ZNF518A: variants seen among roughly 807,000 people sequenced by gnomAD.
ZNF518A encodes the protein zinc finger protein 518A.
In ZNF518A, 47 loss-of-function variants were observed where a neutral mutation model predicts 102.7. That is an observed-to-expected ratio of 0.46 (90% CI 0.36 to 0.58). The LOEUF (loss-of-function observed/expected upper bound fraction) is 0.58, where lower values mean the gene tolerates loss of function less well. ZNF518A is among the 20% of genes least tolerant of loss of function. ZNF518A has a pLI of 0.00. For missense variants in ZNF518A, 1,793 were observed against 1,699.8 expected (o/e 1.05, Z -0.96); for synonymous variants, 652 against 594.6 (o/e 1.10, Z -1.40).
At chr10:96,164,322 C>G (rs976316827), downstream of ZNF518A, among the ~76,000 whole-genome samples, 2 of 152,218 alleles carry the variant, frequency 1.3e-5, no homozygotes, top group Non-Finnish European at 2.9e-5. Flanking sequence ...GGCGTTGGCT[C>G]TGTTCTTTGC....
chr10:96,134,659 G>A (rs587603120), intron 3 of ZNF518A, among the ~76,000 whole-genome samples: 19 of 152,348 alleles, frequency 1.2e-4, no homozygotes, highest in Non-Finnish European at 2.4e-4. Flanking sequence ...ACTGCTGTGT[G>A]ATGACTGACC....
At chr10:96,138,157 T>C (rs1397473745) in intron 3 of ZNF518A, among the ~76,000 whole-genome samples, 1 of 152,210 alleles carries the variant, frequency 6.6e-6, no homozygotes, top group Non-Finnish European at 1.5e-5. Context: ...GTGTAGTCTT[T>C]GTCTTTACTC....
downstream of ZNF518A, among the ~76,000 whole-genome samples, chr10:96,167,358 G>A (rs1387114947): frequency 2.0e-5 from 3 of 152,184 alleles, no homozygotes; most frequent in African/African-American, 7.2e-5. Flanking sequence ...GGAGGCTGAG[G>A]CAGGAGAATC....
intron 2 of ZNF518A, among the ~76,000 whole-genome samples, 197 bp from the exon 3 acceptor site, chr10:96,133,386 A>C (rs1158594505): frequency 2.0e-5 from 3 of 152,162 alleles, no homozygotes; most frequent in African/African-American, 7.2e-5. Flanking sequence ...GAATCACTAT[A>C]GTGTTATGAT....
chr10:96,157,688 A>T lies in ZNF518A; in HGVS notation c.1366A>T (p.Ile456Phe). ...GFKMMDGKQH[I>F]VLKLVPIKQN... Reference sequence around the variant, plus strand: ...CAAGATGATGGATGGAAAACAGCATATTGTATTAAAATTGGTGCCTATCAA... The same window carrying T: ...CAAGATGATGGATGGAAAACAGCATTTTGTATTAAAATTGGTGCCTATCAA... Residue 456 changes from isoleucine to phenylalanine, a missense_variant, in exon 6 of 6, where the codon ATT becomes TTT. Transcript: ENST00000316045. The T allele has an allele frequency of 6.2e-7, 1 of 1,613,892 alleles. No individual in the cohort carries two copies. Among genetic ancestry groups the T allele is most frequent in the Non-Finnish European group, 8.5e-7 (1 of 1,179,796 alleles).
At chr10:96,165,469 CCAAA>C (rs2083126909), downstream of ZNF518A, among the ~76,000 whole-genome samples, 1 of 42,910 alleles carries the variant, frequency 2.3e-5, no homozygotes, top group Non-Finnish European at 5.1e-5. Context: ...ACAACAACAA[CCAAA>C]AAAAAAAAAA....
At chr10:96,167,266 G>T (rs782406789), downstream of ZNF518A, among the ~76,000 whole-genome samples, 10 of 152,056 alleles carry the variant, frequency 6.6e-5, no homozygotes, top group Non-Finnish European at 1.3e-4. Context: ...TTTGAGACCA[G>T]CCTGGCCAAA....
intron 3 of ZNF518A, among the ~76,000 whole-genome samples, chr10:96,142,026 GCCACCATGC>G (rs1339785710): frequency 7.9e-5 from 12 of 152,134 alleles, no homozygotes; most frequent in African/African-American, 2.9e-4. Context: ...ATAGGCCTGA[GCCACCATGC>G]CCAGCCTACA....
chr10:96,175,254 G>A (rs1427635193), intron 1 of ZNF518A, among the ~76,000 whole-genome samples: 2 of 152,122 alleles, frequency 1.3e-5, no homozygotes, highest in Non-Finnish European at 2.9e-5. Flanking sequence ...AGTAAATCAA[G>A]CCTGGGGACA....
chr10:96,143,780 A>T (rs1252654069), intron 3 of ZNF518A, among the ~76,000 whole-genome samples: 1 of 152,090 alleles, frequency 6.6e-6, no homozygotes, highest in Non-Finnish European at 1.5e-5. Flanking sequence ...TTTTTCTCCT[A>T]TTGATTTGGT....
At chr10:96,167,598 T>G (rs1453778072), downstream of ZNF518A, among the ~76,000 whole-genome samples, 1 of 152,044 alleles carries the variant, frequency 6.6e-6, no homozygotes, top group African/African-American at 2.4e-5. Context: ...AAAAGTACAA[T>G]AACTACAATT....
chr10:96,166,554 G>A (rs1554890397), downstream of ZNF518A, among the ~76,000 whole-genome samples: 3 of 152,100 alleles, frequency 2.0e-5, no homozygotes, highest in Non-Finnish European at 2.9e-5. Context: ...GGATCACAAG[G>A]TCAGGAGATC....
At chr10:96,147,076 G>GTC (rs2133476779) in intron 3 of ZNF518A, among the ~76,000 whole-genome samples, 1 of 152,324 alleles carries the variant, frequency 6.6e-6, no homozygotes, top group South Asian at 2.1e-4. Flanking sequence ...GATAGTGGAT[G>GTC]TCTGAGAGAG....
chr10:96,172,941 C>T (rs2083182020), intron 1 of ZNF518A, among the ~76,000 whole-genome samples: 1 of 152,122 alleles, frequency 6.6e-6, no homozygotes, highest in African/African-American at 2.4e-5. Context: ...TCTACATCTG[C>T]AGATTCAATC....
chr10:96,192,582 T>C (rs1297981878), intron 1 of ZNF518A, among the ~76,000 whole-genome samples: 1 of 152,186 alleles, frequency 6.6e-6, no homozygotes, highest in East Asian at 1.9e-4. Flanking sequence ...GAAAGCTTTA[T>C]AAACCTTCAT....
chr10:96,150,365 T>G, intron 3 of ZNF518A, among the ~76,000 whole-genome samples: 1 of 151,272 alleles, frequency 6.6e-6, no homozygotes, highest in East Asian at 1.9e-4. Flanking sequence ...GATGTCTGAT[T>G]AAAGGTGGTG....
At chr10:96,150,335 GA>G (rs72116620) in intron 3 of ZNF518A, among the ~76,000 whole-genome samples, 69,397 of 136,328 alleles carry the variant, frequency 0.51, 17,907 homozygotes, top group East Asian at 0.97. Flanking sequence ...CTCCATTTCG[GA>G]AAAAAAAAAA....
Position 96,196,963 on chromosome 10 carries a change from C to T in ZNF518A, n.36-6611C>T, listed in dbSNP as rs267602649. On this transcript the variant is annotated intron_variant and non_coding_transcript_variant, in intron 1 of 2. Coordinates refer to the ZNF518A transcript ENST00000442635. ...ATATTGTTTTGTTGCTTCAATAAAT[C>T]GCACAGGAATATTATATACTCGCTT... 37 of 1,613,338 alleles carry T rather than the reference C, an allele frequency of 2.3e-5. No homozygotes were observed. Among genetic ancestry groups the T allele is most frequent in the East Asian group, 2.2e-5 (1 of 44,754 alleles).
intron 1 of ZNF518A, among the ~76,000 whole-genome samples, chr10:96,191,487 T>A (rs1554893433): frequency 6.6e-6 from 1 of 152,044 alleles, no homozygotes. Flanking sequence ...AACCATTACA[T>A]CCTTCTTGCC....
Sources: gnomAD v4.1 joint callset for allele counts (sites outside exome capture counted in the v4.1 genomes callset) on GRCh38, gnomAD v4.1.1 for gene constraint, MANE v1.5 for transcripts, NCBI Gene and HGNC (gene_info 2026-07-23, HGNC 2026-07-21) for gene names.